The following NCKAP5 variants were observed in gnomAD, a reference collection of about 807,000 sequenced individuals.
NCKAP5 encodes NCK associated protein 5, also known as nck-associated protein 5.
In NCKAP5, 92 loss-of-function variants were observed where a neutral mutation model predicts 167.0. The ratio of observed to expected loss-of-function variants is 0.55; its 90% confidence interval spans 0.47 to 0.66. The LOEUF is 0.66. Among genes scored for constraint, NCKAP5 ranks in the 30% least tolerant of loss-of-function variants. NCKAP5 has a pLI of 0.00. For synonymous variants in NCKAP5, 891 were observed against 877.4 expected, an observed-to-expected ratio of 1.02 and a Z score of -0.27; for missense variants, 2,378 against 2,315.0, an observed-to-expected ratio of 1.03 and a Z score of -0.56.
the NCKAP5 span, among the ~76,000 whole-genome samples, chr2:133,660,442 G>A: frequency 6.6e-6 from 1 of 151,998 alleles, no homozygotes; most frequent in Non-Finnish European, 1.5e-5. Context: ...AAAAAGATTA[G>A]AATAACATAC....
In NCKAP5 at chr2:133,210,429, C is replaced by A. The variant is rs566563336; in HGVS notation, c.207+3287G>T. Among the ~76,000 whole-genome samples, 4 of 151,972 alleles carry A rather than the reference C, an allele frequency of 2.6e-5. No homozygotes were observed. The East Asian group carries it at 7.7e-4, about 29-fold the overall frequency. On this transcript the variant is annotated intron_variant, in intron 5 of 19. Coordinates refer to ENST00000409261, the MANE Select transcript of NCKAP5 (RefSeq NM_207363.3). ...GACTGCTTACATAATTTCTTCTATA[C>A]CATTTTTCCTTTCATGTGAATAAAA... is the stretch of plus-strand genomic sequence containing the variant.
At chr2:133,145,009 T>A (rs2083137043) in intron 5 of NCKAP5, among the ~76,000 whole-genome samples, 1 of 152,160 alleles carries the variant, frequency 6.6e-6, no homozygotes. Context: ...CCATACAGAT[T>A]AACATTTTGT....
At chr2:133,444,679 G>C (rs1039196598) in intron 3 of NCKAP5, among the ~76,000 whole-genome samples, 2 of 152,184 alleles carry the variant, frequency 1.3e-5, no homozygotes, top group Non-Finnish European at 2.9e-5. Context: ...CCAGAGTTCT[G>C]TGTTCTTCTT....
chr2:133,092,472 C>A (rs180875047), intron 6 of NCKAP5, among the ~76,000 whole-genome samples: 1 of 152,184 alleles, frequency 6.6e-6, no homozygotes, highest in Admixed American at 6.5e-5. Context: ...CCTCCAAAAC[C>A]ATGCATAAAT....
intron 3 of NCKAP5, among the ~76,000 whole-genome samples, chr2:133,417,123 T>TTA (rs1280810831): frequency 7.2e-6 from 1 of 139,352 alleles, no homozygotes; most frequent in Non-Finnish European, 1.6e-5. Flanking sequence ...GAAAGTATGT[T>TTA]AAAAAAAAAA....
At chr2:132,684,131 C>A (rs1049174250) in intron 19 of NCKAP5, among the ~76,000 whole-genome samples, 1 of 152,200 alleles carries the variant, frequency 6.6e-6, no homozygotes, top group African/African-American at 2.4e-5. Context: ...AAATAAACTT[C>A]ATTTTTGTCT....
intron 3 of NCKAP5, among the ~76,000 whole-genome samples, chr2:133,313,839 T>G (rs892717950): frequency 1.3e-5 from 2 of 152,196 alleles, no homozygotes; most frequent in Non-Finnish European, 2.9e-5. Context: ...GAAACACTGG[T>G]AGAGCCTTAT....
chr2:133,196,714 T>C (rs916586667), intron 5 of NCKAP5, among the ~76,000 whole-genome samples: 2 of 152,266 alleles, frequency 1.3e-5, no homozygotes, highest in Non-Finnish European at 2.9e-5. Flanking sequence ...CTCAGAAGTA[T>C]ACACCAGATG....
chr2:132,994,282 A>G (rs1351140285), intron 6 of NCKAP5, 43 bp from the exon 7 acceptor site: 5 of 1,388,652 alleles, frequency 3.6e-6, no homozygotes, highest in Non-Finnish European at 4.0e-6. Context: ...GAAGGTTTCT[A>G]ATTAACACGG....
intron 6 of NCKAP5, among the ~76,000 whole-genome samples, chr2:133,106,334 G>A (rs2081698187): frequency 6.6e-6 from 1 of 151,088 alleles, no homozygotes; most frequent in South Asian, 2.1e-4. Flanking sequence ...GAAGCTGATT[G>A]TATTAGAGAA....
At chr2:132,810,262 T>C (rs1359627452) in intron 11 of NCKAP5, among the ~76,000 whole-genome samples, 2 of 152,216 alleles carry the variant, frequency 1.3e-5, no homozygotes, top group East Asian at 1.9e-4. Flanking sequence ...GCAAAGATCA[T>C]TTTGTGATGA....
At chr2:133,304,337 G>C (rs1680620343) in intron 3 of NCKAP5, among the ~76,000 whole-genome samples, 1 of 152,164 alleles carries the variant, frequency 6.6e-6, no homozygotes, top group Non-Finnish European at 1.5e-5. Flanking sequence ...TGTTAGACTA[G>C]AGGGTATACT....
rs141515246 is a variant in NCKAP5 at position 132,868,942 on chromosome 2, A to T, written c.681T>A (p.Thr227=). Residue 227 remains threonine (T), a synonymous_variant, in exon 10 of 20, where the codon ACT becomes ACA. Coordinates refer to ENST00000409261, the MANE Select transcript of NCKAP5 (RefSeq NM_207363.3). ...VANQVVQALL[T]QKDLREECVK... Reference sequence around the variant, plus strand: ...AAGTCAGAAAGTGACCTACCTTTTGAGTAAGCAGAGCTTGAACAACTTGGT... The same window carrying T: ...AAGTCAGAAAGTGACCTACCTTTTGTGTAAGCAGAGCTTGAACAACTTGGT... The T allele has an allele frequency of 2.7e-4, 422 of 1,547,768 alleles. 4 individuals carry two copies. The African/African-American group carries it at 5.0e-3, about 18-fold the overall frequency.
intron 4 of NCKAP5, among the ~76,000 whole-genome samples, chr2:133,262,532 G>C (rs1438880246): frequency 6.6e-6 from 1 of 152,152 alleles, no homozygotes; most frequent in Non-Finnish European, 1.5e-5. Context: ...CAAGTTCACA[G>C]AGCCTGTTCA....
chr2:133,019,739 G>A (rs779742276), intron 6 of NCKAP5, among the ~76,000 whole-genome samples: 8 of 152,128 alleles, frequency 5.3e-5, no homozygotes, highest in Non-Finnish European at 1.0e-4. Context: ...CTAAGAGAAG[G>A]AACCTTAAGA....
intron 3 of NCKAP5, among the ~76,000 whole-genome samples, chr2:133,413,701 C>T (rs180734683): frequency 6.6e-4 from 101 of 152,146 alleles, no homozygotes; most frequent in African/African-American, 2.2e-3. Flanking sequence ...TTGGAAGATC[C>T]GGCAACACCA....
chr2:133,031,876 C>T (rs72996856), intron 6 of NCKAP5, among the ~76,000 whole-genome samples: 7,574 of 152,124 alleles, frequency 0.05, 609 homozygotes, highest in African/African-American at 0.17. Flanking sequence ...GGAAGGATCC[C>T]ACTGCCTTGA....
At chr2:132,884,272 G>T (rs1183667646) in intron 8 of NCKAP5, among the ~76,000 whole-genome samples, 1 of 152,196 alleles carries the variant, frequency 6.6e-6, no homozygotes, top group African/African-American at 2.4e-5. Flanking sequence ...TTTAAGCACA[G>T]TTATTGGTTA....
At chr2:132,715,932 G>A (rs562379633) in intron 19 of NCKAP5, among the ~76,000 whole-genome samples, 2 of 152,200 alleles carry the variant, frequency 1.3e-5, no homozygotes, top group Admixed American at 1.3e-4. Flanking sequence ...ATACCCAAAG[G>A]TTAATCTTTT....
Sources: gnomAD v4.1 joint callset for allele counts (sites outside exome capture counted in the v4.1 genomes callset) on GRCh38, gnomAD v4.1.1 for gene constraint, MANE v1.5 for transcripts, NCBI Gene and HGNC (gene_info 2026-07-23, HGNC 2026-07-21) for gene names.